The following GSK3B variants were observed in gnomAD, a reference collection of about 807,000 sequenced individuals.
GSK3B encodes glycogen synthase kinase 3 beta.
GSK3B carries 15 observed loss-of-function variants against 56.4 expected under a neutral mutation model. That is an observed-to-expected ratio of 0.27 (90% CI 0.18 to 0.41). The LOEUF is 0.41. GSK3B is among the 10% of genes least tolerant of loss of function. The pLI is 1.00. For synonymous variants in GSK3B, 181 were observed against 188.9 expected (o/e 0.96, Z 0.34); for missense variants, 300 against 513.4 (o/e 0.58, Z 4.02).
chr3:120,021,464 C>T (rs1453754427), intron 1 of GSK3B, among the ~76,000 whole-genome samples: 4 of 151,364 alleles, frequency 2.6e-5, no homozygotes, highest in East Asian at 1.9e-4. Flanking sequence ...TGCAGTGAGC[C>T]GAGATTGCGC....
At chr3:120,082,932 TATA>T (rs2058433662) in intron 1 of GSK3B, among the ~76,000 whole-genome samples, 1 of 152,158 alleles carries the variant, frequency 6.6e-6, no homozygotes, top group Non-Finnish European at 1.5e-5. Context: ...TTTTGGCTTA[TATA>T]ATATTTCTTC....
At chr3:119,833,098 T>C (rs1390411181) in intron 10 of GSK3B, 1 of 377,984 alleles carries the variant, frequency 2.6e-6, no homozygotes. Flanking sequence ...ATTTCTTGCC[T>C]TGATTCCTTG....
At chr3:120,037,706 G>T (rs575080834) in intron 1 of GSK3B, among the ~76,000 whole-genome samples, 2 of 151,612 alleles carry the variant, frequency 1.3e-5, no homozygotes, top group South Asian at 4.2e-4. Context: ...GTATTTAATG[G>T]TATTTAGTGG....
chr3:120,087,440 G>GA (rs1197950677), intron 1 of GSK3B, among the ~76,000 whole-genome samples: 5 of 151,872 alleles, frequency 3.3e-5, no homozygotes. Flanking sequence ...GCTGAGGCAG[G>GA]AAAATCGCTT....
At chr3:120,044,666 T>C (rs1327650441) in intron 1 of GSK3B, among the ~76,000 whole-genome samples, 2 of 152,148 alleles carry the variant, frequency 1.3e-5, no homozygotes, top group African/African-American at 2.4e-5. Context: ...AAAATGTAGA[T>C]TGGATAGATT....
chr3:119,831,415 T>C (rs1306878795), intron 10 of GSK3B, among the ~76,000 whole-genome samples: 4 of 152,110 alleles, frequency 2.6e-5, no homozygotes, highest in Non-Finnish European at 5.9e-5. Context: ...CCCAGCACTT[T>C]GGGAGGCCGA....
intron 1 of GSK3B, among the ~76,000 whole-genome samples, chr3:120,091,141 G>A (rs2058509003): frequency 6.6e-6 from 1 of 152,120 alleles, no homozygotes; most frequent in Non-Finnish European, 1.5e-5. Context: ...CAATCTTGCA[G>A]TCATCACGCT....
intron 4 of GSK3B, among the ~76,000 whole-genome samples, chr3:119,919,594 G>C (rs1180518480): frequency 6.6e-6 from 1 of 150,444 alleles, no homozygotes; most frequent in African/African-American, 2.4e-5. Context: ...AGGAGTGCTA[G>C]ATTTCTCTCT....
intron 7 of GSK3B, among the ~76,000 whole-genome samples, chr3:119,882,826 G>C (rs1478980898): frequency 6.6e-6 from 1 of 151,914 alleles, no homozygotes; most frequent in Admixed American, 6.6e-5. Flanking sequence ...ATTTCACCTG[G>C]GTTCCCCACT....
At chr3:119,960,232 A>G (rs2057258497) in intron 2 of GSK3B, among the ~76,000 whole-genome samples, 1 of 151,752 alleles carries the variant, frequency 6.6e-6, no homozygotes, top group African/African-American at 2.4e-5. Flanking sequence ...TTCTTGAAAG[A>G]AAAAAAGTTT....
rs1456991829 is a variant in GSK3B, at chr3:119,823,211, CT to C, written c.*3576del. ...CTTTGAGGCAAAACATTCTATTTTTCTTTCAAAAAAGGCCTTCGTGTTGGGC... is the reference window on the plus strand; with the variant it reads ...CTTTGAGGCAAAACATTCTATTTTTCTTCAAAAAAGGCCTTCGTGTTGGGC... On this transcript the variant is annotated 3_prime_UTR_variant, in exon 11 of 11. Coordinates refer to ENST00000264235, the MANE Select transcript of GSK3B (RefSeq NM_001146156.2). 1.1e-4 allele frequency: 24 copies of C among 226,698 alleles called. No individual in the cohort carries two copies. Among genetic ancestry groups the C allele is most frequent in the African/African-American group, 4.9e-4 (22 of 44,980 alleles). The allele number at this position is 226,698 out of a possible 1,614,324, so 14.0% of individuals were successfully genotyped here.
intron 1 of GSK3B, among the ~76,000 whole-genome samples, chr3:120,071,399 C>A (rs1398117539): frequency 6.6e-6 from 1 of 152,134 alleles, no homozygotes; most frequent in Non-Finnish European, 1.5e-5. Flanking sequence ...AGGAACCAGA[C>A]CGCACAGCAG....
intron 2 of GSK3B, among the ~76,000 whole-genome samples, chr3:119,952,001 G>GA (rs2057161696): frequency 6.8e-6 from 1 of 146,960 alleles, no homozygotes; most frequent in Non-Finnish European, 1.5e-5. Context: ...TTGTCCAAAA[G>GA]AAAGAACAAA....
chr3:119,879,636 C>T (rs765274504), intron 7 of GSK3B, among the ~76,000 whole-genome samples: 147 of 152,122 alleles, frequency 9.7e-4, no homozygotes, highest in Non-Finnish European at 1.6e-3. Context: ...ATCCCTACTT[C>T]CCCAGCAACT....
intron 1 of GSK3B, among the ~76,000 whole-genome samples, chr3:120,022,999 C>T (rs2057892579): frequency 6.6e-6 from 1 of 152,108 alleles, no homozygotes. Flanking sequence ...AAACAATTTC[C>T]CTTGAAACAG....
intron 2 of GSK3B, among the ~76,000 whole-genome samples, chr3:119,996,862 A>T (rs78913527): frequency 0.026 from 3,942 of 152,216 alleles, 175 homozygotes; most frequent in African/African-American, 0.089. Context: ...ACTGAGAAAA[A>T]CAAAAAATAA....
At chr3:119,966,203 C>A (rs2057317303) in intron 2 of GSK3B, among the ~76,000 whole-genome samples, 1 of 152,124 alleles carries the variant, frequency 6.6e-6, no homozygotes, top group Non-Finnish European at 1.5e-5. Flanking sequence ...TCTTGTAATG[C>A]AAAAACTCAG....
intron 1 of GSK3B, among the ~76,000 whole-genome samples, chr3:120,015,649 CAAAAAAA>C (rs61520236): frequency 1.7e-4 from 8 of 46,946 alleles, no homozygotes; most frequent in South Asian, 2.6e-3. Context: ...GACTCTGTCT[CAAAAAAA>C]AAAAAAAAAA....
Position 119,918,329 on chromosome 3 carries a change from C to T in GSK3B, c.478-2155G>A, listed in dbSNP as rs78861302. On this transcript the variant is annotated intron_variant, in intron 4 of 10. Transcript: ENST00000264235. ...CTCTACTAAAATGCAAAAAATTAGC[C>T]GGTCTTGGTGGTGCACGCCTGTAAT... Among the ~76,000 whole-genome samples, 956 of 151,240 alleles carry T rather than the reference C, an allele frequency of 6.3e-3. 12 individuals carry two copies. The highest frequency in any genetic ancestry group is 0.02 in the African/African-American group (816 of 41,224).
Sources: allele counts gnomAD v4.1 joint callset (sites outside exome capture counted in the v4.1 genomes callset), GRCh38; gene constraint gnomAD v4.1.1; transcripts MANE v1.5; gene names NCBI Gene and HGNC (gene_info 2026-07-23, HGNC 2026-07-21).